Variants in TBC1D32 observed in about 807,000 individuals in gnomAD.
The protein encoded by TBC1D32 is TBC1 domain family member 32.
Under a neutral mutation model 170.3 loss-of-function variants are expected in TBC1D32, and 151 were observed. The ratio of observed to expected loss-of-function variants is 0.89; its 90% CI spans 0.78 to 1.01. The LOEUF (loss-of-function observed/expected upper bound fraction) is 1.01. Among genes scored for constraint, TBC1D32 ranks in the 50% least tolerant of loss-of-function variants. The pLI is 0.00. For missense variants in TBC1D32, 1,464 were observed against 1,457.1 expected, an observed-to-expected ratio of 1.00 and a Z score of -0.08; for synonymous variants, 498 against 488.0, an observed-to-expected ratio of 1.02 and a Z score of -0.27.
At chr6:121,108,723 T>C (rs1778933182) in intron 29 of TBC1D32, among the ~76,000 whole-genome samples, 1 of 152,064 alleles carries the variant, frequency 6.6e-6, no homozygotes, top group Non-Finnish European at 1.5e-5. Context: ...GGAGTCATTT[T>C]ATTCCTGATA....
intron 24 of TBC1D32, among the ~76,000 whole-genome samples, chr6:121,141,007 GGAGA>G (rs1210074285): frequency 6.6e-6 from 1 of 152,058 alleles, no homozygotes; most frequent in East Asian, 1.9e-4. Context: ...AAAAAATACA[GGAGA>G]AAGAAATCCA....
At chr6:121,109,995 T>C (rs1562510723) in intron 29 of TBC1D32, among the ~76,000 whole-genome samples, 1 of 152,170 alleles carries the variant, frequency 6.6e-6, no homozygotes. Context: ...CTCATGCCTG[T>C]AATCCCAGCA....
intron 17 of TBC1D32, among the ~76,000 whole-genome samples, chr6:121,253,219 T>C (rs891725232): frequency 1.9e-4 from 29 of 152,204 alleles, no homozygotes; most frequent in African/African-American, 7.0e-4. Flanking sequence ...AAAGGACTAA[T>C]TTCCAGAATC....
chr6:121,324,781 A>C (rs996823061), intron 1 of TBC1D32, among the ~76,000 whole-genome samples: 1 of 152,246 alleles, frequency 6.6e-6, no homozygotes, highest in Admixed American at 6.5e-5. Flanking sequence ...CACACTGGTA[A>C]GAAAAAAATT....
At chr6:121,185,862 A>G (rs1789142172) in intron 22 of TBC1D32, among the ~76,000 whole-genome samples, 1 of 152,078 alleles carries the variant, frequency 6.6e-6, no homozygotes. Context: ...CCAGAAGCAG[A>G]TGATCATAGA....
intron 21 of TBC1D32, among the ~76,000 whole-genome samples, chr6:121,221,381 T>C (rs1273529077): frequency 6.6e-6 from 1 of 152,212 alleles, no homozygotes; most frequent in Non-Finnish European, 1.5e-5. Flanking sequence ...TAACATAACA[T>C]CCATTCTGTA....
At chr6:121,190,431 A>C (rs1789847414) in intron 22 of TBC1D32, among the ~76,000 whole-genome samples, 3 of 114,882 alleles carry the variant, frequency 2.6e-5, no homozygotes, top group Non-Finnish European at 3.5e-5. Flanking sequence ...CTACCCCCCT[A>C]CACACCCACT....
At chr6:121,223,141 G>A (rs1020552427) in intron 21 of TBC1D32, 95 bp downstream of exon 21, 33 of 766,770 alleles carry the variant, frequency 4.3e-5, no homozygotes, top group Admixed American at 3.6e-4. Flanking sequence ...ATTACATAAT[G>A]TTTCTTTTTT....
At chr6:121,255,520 T>TTTATAA (rs10650607) in intron 16 of TBC1D32, 110 bp from the exon 17 acceptor site, 173,697 of 219,752 alleles carry the variant, frequency 0.79, 74,288 homozygotes, top group Non-Finnish European at 0.88. Flanking sequence ...ATAATTATAT[T>TTTATAA]TTATATTTCT....
intron 21 of TBC1D32, among the ~76,000 whole-genome samples, chr6:121,213,113 G>A (rs189033351): frequency 2.6e-4 from 40 of 152,228 alleles, no homozygotes; most frequent in African/African-American, 9.1e-4. Context: ...GGCAAAAGCA[G>A]GAAACATTTT....
At chr6:121,331,640 A>G (rs1811234168) in intron 1 of TBC1D32, among the ~76,000 whole-genome samples, 1 of 152,172 alleles carries the variant, frequency 6.6e-6, no homozygotes. Flanking sequence ...TGAAATAAAC[A>G]CTTTGGAAAG....
intron 22 of TBC1D32, among the ~76,000 whole-genome samples, chr6:121,202,023 A>G (rs919456839): frequency 1.3e-5 from 2 of 151,140 alleles, no homozygotes; most frequent in South Asian, 2.1e-4. Flanking sequence ...CAAGAGTTCA[A>G]TTTTCAACAT....
chr6:121,196,694 T>C (rs1790779955), intron 22 of TBC1D32, among the ~76,000 whole-genome samples: 1 of 152,206 alleles, frequency 6.6e-6, no homozygotes. Context: ...TTGAAGCAGA[T>C]GGATTGATTG....
chr6:121,125,539 G>A (rs924652372), intron 26 of TBC1D32, among the ~76,000 whole-genome samples: 1 of 151,904 alleles, frequency 6.6e-6, no homozygotes, highest in African/African-American at 2.4e-5. Flanking sequence ...GCACAAGTGG[G>A]GGTAGTTCCT....
intron 31 of TBC1D32, among the ~76,000 whole-genome samples, chr6:121,081,520 A>G (rs533029599): frequency 6.6e-6 from 1 of 152,266 alleles, no homozygotes; most frequent in African/African-American, 2.4e-5. Flanking sequence ...TATGCGAAGA[A>G]AAGTCATCTT....
chr6:121,318,110 C>G (rs1299601142), intron 2 of TBC1D32, among the ~76,000 whole-genome samples: 1 of 152,016 alleles, frequency 6.6e-6, no homozygotes, highest in Admixed American at 6.6e-5. Context: ...TCCTTCTCTT[C>G]TCCCTTGCCC....
chr6:121,160,112 G>A lies in TBC1D32; in HGVS notation c.2680-9C>T, dbSNP rs1785424587. The stretch of plus-strand genomic sequence containing the variant: ...GGATATGGATTATCACTCTAAAAAA[G>A]AAGCAAGACAGATGACTTTAGGAAG... On this transcript the variant is annotated splice_polypyrimidine_tract_variant and intron_variant, in intron 23 of 31. Transcript: ENST00000398212. The A allele has an allele frequency of 3.2e-6, 5 of 1,539,108 alleles. No homozygotes were observed. The highest frequency in any genetic ancestry group is 3.6e-6 in the Non-Finnish European group (4 of 1,118,390).
chr6:121,140,096 G>T (rs917874388), intron 24 of TBC1D32, among the ~76,000 whole-genome samples: 1 of 151,924 alleles, frequency 6.6e-6, no homozygotes, highest in African/African-American at 2.4e-5. Context: ...CAATATAGTG[G>T]CTTAGCATCA....
intron 16 of TBC1D32, 120 bp from the exon 17 acceptor site, chr6:121,255,530 T>TATTTATAATTATATTTTATAATTA (rs1280529108): frequency 4.1e-6 from 1 of 241,906 alleles, no homozygotes; most frequent in African/African-American, 2.4e-5. Flanking sequence ...TTTATATTTC[T>TATTTATAATTATATTTTATAATTA]TACTGATAGC....
Sources: allele counts gnomAD v4.1 joint callset (sites outside exome capture counted in the v4.1 genomes callset), GRCh38; gene constraint gnomAD v4.1.1; transcripts MANE v1.5; gene names NCBI Gene and HGNC (gene_info 2026-07-23, HGNC 2026-07-21).